Variants in ADAMTS18 observed in about 807,000 individuals in gnomAD.
ADAMTS18 encodes A disintegrin and metalloproteinase with thrombospondin motifs 18.
ADAMTS18 carries 157 observed loss-of-function variants against 165.9 expected under a neutral mutation model. The observed-to-expected ratio is 0.95, with a 90% CI of 0.83 to 1.08. The LOEUF (loss-of-function observed/expected upper bound fraction) is 1.08. Ranked by LOEUF, ADAMTS18 falls within the 50% of genes least tolerant of loss-of-function variation. ADAMTS18 has a pLI of 0.00. For missense variants in ADAMTS18, 2,040 were observed against 1,534.0 expected (o/e 1.33, Z -5.51); for synonymous variants, 782 against 578.2 (o/e 1.35, Z -5.06).
At chr16:77,294,431 G>A (rs569567896) in intron 19 of ADAMTS18, among the ~76,000 whole-genome samples, 3 of 152,284 alleles carry the variant, frequency 2.0e-5, no homozygotes, top group East Asian at 1.9e-4. Context: ...AGCTGTGAAC[G>A]ACAAGGTAGC....
chr16:77,395,927 T>C (rs868467330), intron 3 of ADAMTS18, among the ~76,000 whole-genome samples: 1 of 152,210 alleles, frequency 6.6e-6, no homozygotes, highest in Non-Finnish European at 1.5e-5. Flanking sequence ...TGATATTTTC[T>C]AATGTTTTTG....
chr16:77,397,471 G>A (rs1225914586), intron 3 of ADAMTS18, among the ~76,000 whole-genome samples: 1 of 152,174 alleles, frequency 6.6e-6, no homozygotes, highest in Admixed American at 6.5e-5. Flanking sequence ...CCATGCTAAA[G>A]GGAATGCTCT....
chr16:77,390,476 G>C (rs1205498091), intron 3 of ADAMTS18, among the ~76,000 whole-genome samples: 3 of 152,056 alleles, frequency 2.0e-5, no homozygotes, highest in Non-Finnish European at 4.4e-5. Flanking sequence ...CAGATCACAA[G>C]GTCAGGAGTT....
At chr16:77,345,638 T>C (rs1413507592) in intron 10 of ADAMTS18, among the ~76,000 whole-genome samples, 3 of 152,230 alleles carry the variant, frequency 2.0e-5, no homozygotes, top group African/African-American at 7.2e-5. Context: ...ACTTTCTACA[T>C]GTGGCTTGTT....
chr16:77,358,237 A>T (rs1480413739), intron 8 of ADAMTS18, among the ~76,000 whole-genome samples: 1 of 152,218 alleles, frequency 6.6e-6, no homozygotes, highest in Non-Finnish European at 1.5e-5. Context: ...AACAACAATG[A>T]TCAAGGTTTA....
At chr16:77,353,405 G>T (rs978207760) in intron 10 of ADAMTS18, among the ~76,000 whole-genome samples, 11 of 152,228 alleles carry the variant, frequency 7.2e-5, no homozygotes, top group Middle Eastern at 3.4e-3. Flanking sequence ...AATTAACAGG[G>T]AATAGGATCA....
intron 3 of ADAMTS18, among the ~76,000 whole-genome samples, chr16:77,371,195 A>T (rs1285357460): frequency 2.0e-5 from 3 of 151,906 alleles, no homozygotes; most frequent in African/African-American, 7.3e-5. Context: ...AGTCTGGGTG[A>T]CAGAGCAAGA....
chr16:77,382,265 C>G (rs75898363), intron 3 of ADAMTS18, among the ~76,000 whole-genome samples: 13,047 of 152,194 alleles, frequency 0.086, 757 homozygotes, highest in East Asian at 0.25. Context: ...GGCTGGAGTG[C>G]AGTGGCGCGA....
intron 16 of ADAMTS18, among the ~76,000 whole-genome samples, chr16:77,310,986 G>A (rs916158225): frequency 5.3e-5 from 8 of 152,124 alleles, no homozygotes; most frequent in African/African-American, 1.7e-4. Flanking sequence ...ATGAGAGGAA[G>A]TGAACAGAAG....
intron 13 of ADAMTS18, among the ~76,000 whole-genome samples, chr16:77,325,423 G>A (rs1200137428): frequency 6.6e-6 from 1 of 152,078 alleles, no homozygotes; most frequent in East Asian, 1.9e-4. Context: ...GTGTCTGCGT[G>A]CATGCACACA....
chr16:77,367,500 T>C lies in ADAMTS18; in HGVS notation c.719A>G (p.Glu240Gly), dbSNP rs748200917. The change falls in exon 4 of 23, where the codon GAG (glutamate) becomes GGG (glycine). Residue 240 changes from glutamate to glycine, a missense_variant. By Grantham distance (98) the Glu-to-Gly change is moderately conservative (BLOSUM62 -2). Coordinates refer to ENST00000282849, the MANE Select transcript of ADAMTS18 (RefSeq NM_199355.4). ...CAACCTTCGATGGTGATACTCTGTC[T>C]CTCGACTCTGAGATGCATGGGGAAT... ...SHIPHASQSR[E>G]TEYHHRRLQK... The C allele has an allele frequency of 6.2e-7, 1 of 1,614,226 alleles. No individual in the cohort carries two copies. The highest frequency in any genetic ancestry group is 8.5e-7 in the Non-Finnish European group (1 of 1,180,032).
chr16:77,300,458 T>C (rs924875256), intron 16 of ADAMTS18, 54 bp from the exon 17 acceptor site: 29 of 1,592,212 alleles, frequency 1.8e-5, no homozygotes, highest in Non-Finnish European at 2.5e-5. Flanking sequence ...GACCCTGGAA[T>C]TCCAGAAATC....
intron 13 of ADAMTS18, among the ~76,000 whole-genome samples, chr16:77,325,555 A>G (rs1033180845): frequency 6.6e-6 from 1 of 152,058 alleles, no homozygotes; most frequent in Non-Finnish European, 1.5e-5. Context: ...ACCAATTTCA[A>G]TTAAGATCCC....
rs574602697 is a variant in ADAMTS18 at position 77,430,140 on chromosome 16, T to C, written c.495+1155A>G. On this transcript the variant is annotated intron_variant, in intron 3 of 22. Coordinates refer to ENST00000282849, the MANE Select transcript of ADAMTS18 (RefSeq NM_199355.4). Reference sequence around the variant, plus strand: ...GATGCTAAGTAAAGAGAAGGAGATGTGCCACAACAAAACAAACAAACAAAC... The same window carrying C: ...GATGCTAAGTAAAGAGAAGGAGATGCGCCACAACAAAACAAACAAACAAAC... Among the ~76,000 whole-genome samples, 7 of 144,958 alleles carry C rather than the reference T, an allele frequency of 4.8e-5. No individual in the cohort carries two copies. In the East Asian group the frequency reaches 1.4e-3, roughly 29 times the overall value.
chr16:77,332,516 T>C (rs1425037110), intron 12 of ADAMTS18, among the ~76,000 whole-genome samples: 1 of 152,116 alleles, frequency 6.6e-6, no homozygotes, highest in African/African-American at 2.4e-5. Context: ...ATCTTCTACA[T>C]TTTTTTATAC....
At chr16:77,289,157 C>G (rs571870461) in intron 22 of ADAMTS18, 107 bp downstream of exon 22, 151 of 1,436,468 alleles carry the variant, frequency 1.1e-4, no homozygotes, top group Non-Finnish European at 1.4e-4. Flanking sequence ...GGGTGAATGG[C>G]TTACCCTAGA....
chr16:77,434,033 C>T (rs1485145836), intron 2 of ADAMTS18, among the ~76,000 whole-genome samples: 1 of 152,138 alleles, frequency 6.6e-6, no homozygotes, highest in Non-Finnish European at 1.5e-5. Context: ...AAGAGGCTCA[C>T]ATTCTTTCAT....
Position 77,350,355 on chromosome 16 carries a change from C to G in ADAMTS18, c.1614+3378G>C, listed in dbSNP as rs1401674553. Reference sequence around the variant, plus strand: ...GCCAGCCCCAGAGCCTTTACCAGGGCAGCCACTGGGGAAGAAGAGTCAAAT... The same window carrying G: ...GCCAGCCCCAGAGCCTTTACCAGGGGAGCCACTGGGGAAGAAGAGTCAAAT... On this transcript the variant is annotated intron_variant, in intron 10 of 22. Coordinates refer to ENST00000282849, the MANE Select transcript of ADAMTS18 (RefSeq NM_199355.4). 3.9e-5 allele frequency among the ~76,000 whole-genome samples: 6 copies of G among 152,090 alleles called. No homozygotes were observed. In the South Asian group the frequency reaches 1.0e-3, roughly 26 times the overall value.
In ADAMTS18 at chr16:77,353,722, A is replaced by G; in HGVS notation, c.1614+11T>C. 6.2e-7 allele frequency: 1 copy of G among 1,614,196 alleles called. No individual in the cohort carries two copies. Among genetic ancestry groups the G allele is most frequent in the African/African-American group, 1.3e-5 (1 of 75,048 alleles). ...GTCTTAATGTAAGTTTGAAATCACA[A>G]GCAAACATACCTTCACAAAACCAAG... On this transcript the variant is annotated intron_variant, in intron 10 of 22. Coordinates refer to ENST00000282849, the MANE Select transcript of ADAMTS18 (RefSeq NM_199355.4).
Sources: gnomAD v4.1 joint callset for allele counts (sites outside exome capture counted in the v4.1 genomes callset) on GRCh38, gnomAD v4.1.1 for gene constraint, MANE v1.5 for transcripts, NCBI Gene and HGNC (gene_info 2026-07-23, HGNC 2026-07-21) for gene names.